The following CFAP61 variants were observed in gnomAD, a reference collection of about 807,000 sequenced individuals.
CFAP61 encodes the protein cilia and flagella associated protein 61.
In CFAP61, 107 loss-of-function variants were observed where a neutral mutation model predicts 135.6. The observed-to-expected ratio is 0.79, with a 90% CI of 0.67 to 0.93. CFAP61 has a LOEUF of 0.93. Among genes scored for constraint, CFAP61 ranks in the 40% least tolerant of loss-of-function variants. The pLI, the probability that CFAP61 is intolerant of heterozygous loss-of-function variation, is 0.00. For synonymous variants in CFAP61, 575 were observed against 578.5 expected, an observed-to-expected ratio of 0.99 and a Z score of 0.09; for missense variants, 1,507 against 1,556.2, an observed-to-expected ratio of 0.97 and a Z score of 0.53.
At chr20:20,086,208 C>G (rs1271806300) in intron 6 of CFAP61, among the ~76,000 whole-genome samples, 1 of 150,268 alleles carries the variant, frequency 6.7e-6, no homozygotes, top group Non-Finnish European at 1.5e-5. Flanking sequence ...GGTACATGTG[C>G]ACAATGTGCA....
intron 7 of CFAP61, among the ~76,000 whole-genome samples, chr20:20,095,225 T>G (rs1009634342): frequency 2.6e-5 from 4 of 152,200 alleles, no homozygotes; most frequent in Admixed American, 1.3e-4. Context: ...GAGATCACAC[T>G]GTTCACTTGA....
At chr20:20,079,650 A>G (rs2046298581) in intron 6 of CFAP61, among the ~76,000 whole-genome samples, 1 of 152,216 alleles carries the variant, frequency 6.6e-6, no homozygotes, top group Non-Finnish European at 1.5e-5. Flanking sequence ...CAAGAAGCAG[A>G]TGAACTTCAG....
intron 17 of CFAP61, chr20:20,221,742 G>A (rs1342908906): frequency 6.6e-6 from 1 of 152,136 alleles, no homozygotes; most frequent in Non-Finnish European, 1.5e-5. Context: ...GCACTCAATC[G>A]TTGCATTGCA....
chr20:20,235,832 C>T (rs1037954600), intron 18 of CFAP61, among the ~76,000 whole-genome samples: 1 of 152,122 alleles, frequency 6.6e-6, no homozygotes, highest in Non-Finnish European at 1.5e-5. Flanking sequence ...GAGGGCCCTC[C>T]AGTAGAGGTG....
rs190418196 is a variant in CFAP61, at chr20:20,149,071, C to T, written c.951+6123C>T. ...ACATGCAGACAAAACCACTACTGAC[C>T]GATTTGGCGTAATTGACATATATAA... On this transcript the variant is annotated intron_variant, in intron 9 of 26. Transcript: ENST00000245957. Among the ~76,000 whole-genome samples, 45 of 152,254 alleles carry T rather than the reference C, an allele frequency of 3.0e-4. No individual in the cohort carries two copies. In the South Asian group the frequency reaches 6.6e-3, roughly 22 times the overall value.
chr20:20,187,847 T>G, intron 13 of CFAP61, 83 bp from the exon 14 acceptor site: 2 of 1,018,150 alleles, frequency 2.0e-6, no homozygotes, highest in Non-Finnish European at 3.0e-6. Context: ...TATATAAGTG[T>G]GATATATTAC....
chr20:20,125,133 A>G (rs1488262015), intron 8 of CFAP61, among the ~76,000 whole-genome samples: 1 of 151,518 alleles, frequency 6.6e-6, no homozygotes, highest in Non-Finnish European at 1.5e-5. Context: ...AATCTTGCTA[A>G]TGGTCTGTCA....
At chr20:20,360,150 C>T (rs574944504) in intron 26 of CFAP61, 60 bp from the exon 27 acceptor site, 5 of 1,241,956 alleles carry the variant, frequency 4.0e-6, no homozygotes, top group Admixed American at 1.7e-5. Context: ...ATGAAACTGC[C>T]GTTACAACTG....
At chr20:20,305,450 A>T (rs1389916753) in intron 25 of CFAP61, among the ~76,000 whole-genome samples, 2 of 152,234 alleles carry the variant, frequency 1.3e-5, no homozygotes, top group Non-Finnish European at 1.5e-5. Flanking sequence ...TGCATACTAC[A>T]TTCCAGGTGC....
intron 15 of CFAP61, among the ~76,000 whole-genome samples, chr20:20,194,734 C>T (rs1049683771): frequency 6.6e-6 from 1 of 152,192 alleles, no homozygotes; most frequent in Non-Finnish European, 1.5e-5. Context: ...TCTGGCTTCC[C>T]CTTGTGTGCT....
intron 21 of CFAP61, among the ~76,000 whole-genome samples, chr20:20,269,032 C>T (rs1022473351): frequency 1.3e-5 from 2 of 149,780 alleles, no homozygotes; most frequent in Admixed American, 6.7e-5. Context: ...CAGAGCAGAA[C>T]GGGACAGGTC....
chr20:20,296,259 T>G (rs2055519439), intron 24 of CFAP61, among the ~76,000 whole-genome samples: 1 of 92,214 alleles, frequency 1.1e-5, no homozygotes, highest in Non-Finnish European at 2.2e-5. Context: ...TTCCTTCCTT[T>G]CTTCACCCCT....
intron 13 of CFAP61, among the ~76,000 whole-genome samples, chr20:20,170,154 G>A (rs538514560): frequency 6.6e-6 from 1 of 152,308 alleles, no homozygotes; most frequent in Admixed American, 6.5e-5. Context: ...CCAGCCAGAG[G>A]AAGCTTTCTT....
chr20:20,147,844 A>AT (rs1188677366), intron 9 of CFAP61, among the ~76,000 whole-genome samples: 1 of 151,804 alleles, frequency 6.6e-6, no homozygotes, highest in African/African-American at 2.4e-5. Flanking sequence ...TCCAGAAGAG[A>AT]TTTTTTTAAT....
At chr20:20,355,017 GA>G (rs2059017857) in intron 26 of CFAP61, among the ~76,000 whole-genome samples, 1 of 145,950 alleles carries the variant, frequency 6.9e-6, no homozygotes, top group East Asian at 2.1e-4. Flanking sequence ...CACACTGCAA[GA>G]GGGGAGGTGA....
chr20:20,248,006 A>C (rs1257431119), intron 19 of CFAP61, among the ~76,000 whole-genome samples: 4 of 152,156 alleles, frequency 2.6e-5, no homozygotes, highest in Non-Finnish European at 5.9e-5. Flanking sequence ...TATATCCAGA[A>C]TCCTTCAACT....
At chr20:20,063,750 A>G (rs58101716) in intron 2 of CFAP61, among the ~76,000 whole-genome samples, 2,530 of 152,298 alleles carry the variant, frequency 0.017, 68 homozygotes, top group African/African-American at 0.057. Flanking sequence ...AAAGGAAGAA[A>G]CGAAATTGTC....
chr20:20,337,167 C>T (rs1485745302), intron 25 of CFAP61, among the ~76,000 whole-genome samples: 1 of 152,002 alleles, frequency 6.6e-6, no homozygotes, highest in Non-Finnish European at 1.5e-5. Context: ...AGGAAGAGGA[C>T]CAGAGGAAAG....
At chr20:20,072,775 T>A (rs2045812645) in intron 3 of CFAP61, among the ~76,000 whole-genome samples, 1 of 152,190 alleles carries the variant, frequency 6.6e-6, no homozygotes, top group Non-Finnish European at 1.5e-5. Flanking sequence ...GTATAAAATA[T>A]GCCAGATTTC....
Sources: allele counts gnomAD v4.1 joint callset (sites outside exome capture counted in the v4.1 genomes callset), GRCh38; gene constraint gnomAD v4.1.1; transcripts MANE v1.5; gene names NCBI Gene and HGNC (gene_info 2026-07-23, HGNC 2026-07-21).